Variants in DOCK1 observed in about 807,000 individuals in gnomAD.
DOCK1 encodes dedicator of cytokinesis protein 1.
DOCK1 carries 138 observed loss-of-function variants against 262.7 expected under a neutral mutation model. The observed-to-expected ratio is 0.53, with a 90% CI of 0.46 to 0.61. DOCK1 has a LOEUF of 0.61. Ranked by LOEUF, DOCK1 falls within the 20% of genes least tolerant of loss-of-function variation. The probability of loss-of-function intolerance (pLI) is 0.00; values close to 1 mark genes in which losing one functional copy is unlikely to be tolerated. For synonymous variants in DOCK1, 866 were observed against 867.4 expected (o/e 1.00, Z 0.03); for missense variants, 1,908 against 2,370.7 (o/e 0.80, Z 4.05).
At chr10:127,170,011 T>C (rs1419604926) in intron 27 of DOCK1, among the ~76,000 whole-genome samples, 1 of 151,958 alleles carries the variant, frequency 6.6e-6, no homozygotes, top group Non-Finnish European at 1.5e-5. Flanking sequence ...CTTCTTTTTT[T>C]ACCACTGTGT....
chr10:126,948,856 G>A (rs1033516056), intron 1 of DOCK1, among the ~76,000 whole-genome samples: 1 of 152,082 alleles, frequency 6.6e-6, no homozygotes, highest in Non-Finnish European at 1.5e-5. Flanking sequence ...TCCTGAGGTT[G>A]GGGATATGTG....
intron 33 of DOCK1, 143 bp downstream of exon 33, chr10:127,362,355 C>G: frequency 9.8e-7 from 1 of 1,023,228 alleles, no homozygotes; most frequent in Non-Finnish European, 1.3e-6. Context: ...AGAGAAAAAG[C>G]CTATGATTTT....
At chr10:127,318,939 G>A (rs941969434) in intron 29 of DOCK1, among the ~76,000 whole-genome samples, 1 of 152,202 alleles carries the variant, frequency 6.6e-6, no homozygotes, top group African/African-American at 2.4e-5. Context: ...TGGAGTGTGG[G>A]TGCTGGGGCT....
At chr10:126,984,976 T>A (rs1257181324) in intron 4 of DOCK1, among the ~76,000 whole-genome samples, 3 of 37,978 alleles carry the variant, frequency 7.9e-5, no homozygotes, top group East Asian at 3.0e-3. Context: ...GTCCCATTCT[T>A]TTTTTTTTTT....
In DOCK1 at chr10:127,441,847, C is replaced by T. The variant is rs998032859; in HGVS notation, c.5260-2279C>T. Among the ~76,000 whole-genome samples the T allele has an allele frequency of 2.0e-5, 3 of 152,172 alleles. No homozygotes were observed. The South Asian group carries it at 6.2e-4, about 32-fold the overall frequency. ...TCATCAACAATTTCCTGACCTTTAG[C>T]TGAGCCTCTCCAGCCAGAGCCTCCA... On this transcript the variant is annotated intron_variant, in intron 49 of 51. Transcript: ENST00000623213.
chr10:127,296,314 C>G (rs975690047), intron 29 of DOCK1, among the ~76,000 whole-genome samples: 4 of 152,232 alleles, frequency 2.6e-5, no homozygotes, highest in African/African-American at 9.6e-5. Context: ...GTGTCAGAAG[C>G]CAGACCCATC....
chr10:127,306,301 C>T (rs765622058), intron 29 of DOCK1, among the ~76,000 whole-genome samples: 6 of 152,144 alleles, frequency 3.9e-5, no homozygotes, highest in Non-Finnish European at 5.9e-5. Context: ...AGGTGTGAGC[C>T]ACCGTGACCG....
At chr10:127,244,305 TAC>T (rs1276127673) in intron 27 of DOCK1, among the ~76,000 whole-genome samples, 2 of 152,354 alleles carry the variant, frequency 1.3e-5, no homozygotes, top group East Asian at 3.9e-4. Context: ...TCATATTATT[TAC>T]ACAGTTTCTT....
At chr10:127,362,666 A>C (rs2064531091) in intron 33 of DOCK1, among the ~76,000 whole-genome samples, 2 of 152,182 alleles carry the variant, frequency 1.3e-5, no homozygotes, top group Admixed American at 6.5e-5. Flanking sequence ...ACTGATGAAA[A>C]TTCTCTAAGA....
At chr10:126,993,260 A>G (rs904938715) in intron 6 of DOCK1, among the ~76,000 whole-genome samples, 2 of 152,204 alleles carry the variant, frequency 1.3e-5, no homozygotes, top group Non-Finnish European at 2.9e-5. Flanking sequence ...TGTAGGACCT[A>G]CTGGCTGGGC....
intron 2 of DOCK1, among the ~76,000 whole-genome samples, chr10:126,975,245 G>A (rs2038431153): frequency 6.6e-6 from 1 of 152,100 alleles, no homozygotes; most frequent in Admixed American, 6.5e-5. Flanking sequence ...CTGCCTCCCC[G>A]GGTATGAGCA....
At chr10:127,382,970 A>G (rs1168761731) in intron 37 of DOCK1, among the ~76,000 whole-genome samples, 1 of 152,212 alleles carries the variant, frequency 6.6e-6, no homozygotes, top group Non-Finnish European at 1.5e-5. Flanking sequence ...GGGGAATGCT[A>G]CATAATCTCT....
At chr10:127,362,291 C>T in intron 33 of DOCK1, 79 bp downstream of exon 33, 2 of 1,515,066 alleles carry the variant, frequency 1.3e-6, no homozygotes, top group Non-Finnish European at 1.8e-6. Flanking sequence ...AACCTGTAGA[C>T]AGTTCTAGAG....
At chr10:127,310,809 T>C (rs1399696113) in intron 29 of DOCK1, among the ~76,000 whole-genome samples, 1 of 152,152 alleles carries the variant, frequency 6.6e-6, no homozygotes, top group African/African-American at 2.4e-5. Context: ...TACAATCTCT[T>C]AATGCCCCAA....
intron 27 of DOCK1, among the ~76,000 whole-genome samples, chr10:127,154,261 T>C (rs2052806109): frequency 6.6e-6 from 1 of 152,246 alleles, no homozygotes; most frequent in African/African-American, 2.4e-5. Context: ...ACCAACCACA[T>C]ACACATATGC....
intron 29 of DOCK1, among the ~76,000 whole-genome samples, chr10:127,323,500 T>G (rs1022570992): frequency 1.3e-5 from 2 of 152,216 alleles, no homozygotes; most frequent in African/African-American, 4.8e-5. Flanking sequence ...AAGGTCGTTA[T>G]CCACAAAGGG....
chr10:127,261,769 GT>G (rs1333739101), intron 29 of DOCK1, among the ~76,000 whole-genome samples: 1 of 130,084 alleles, frequency 7.7e-6, no homozygotes, highest in East Asian at 2.3e-4. Context: ...GTGCATGTGG[GT>G]GTGTGTGTGT....
intron 29 of DOCK1, among the ~76,000 whole-genome samples, chr10:127,280,836 T>G (rs191742052): frequency 6.6e-6 from 1 of 152,302 alleles, no homozygotes; most frequent in Non-Finnish European, 1.5e-5. Context: ...TTTTTCATTT[T>G]TTACTCCACG....
chr10:127,316,490 G>T (rs1231473042), intron 29 of DOCK1, among the ~76,000 whole-genome samples: 1 of 152,152 alleles, frequency 6.6e-6, no homozygotes, highest in Non-Finnish European at 1.5e-5. Flanking sequence ...TCTGTGTTTT[G>T]TTTGGCCTTG....
Sources: gnomAD v4.1 joint callset for allele counts (sites outside exome capture counted in the v4.1 genomes callset) on GRCh38, gnomAD v4.1.1 for gene constraint, MANE v1.5 for transcripts, NCBI Gene and HGNC (gene_info 2026-07-23, HGNC 2026-07-21) for gene names.